Variants in TENM3 observed in about 807,000 individuals in gnomAD.
TENM3 encodes the protein teneurin transmembrane protein 3, also known as teneurin-3.
In TENM3, 63 loss-of-function variants were observed where a neutral mutation model predicts 255.1. That is an observed-to-expected ratio of 0.25 (90% confidence interval 0.20 to 0.30). The LOEUF (loss-of-function observed/expected upper bound fraction) is 0.30, where lower values mean the gene tolerates loss of function less well. TENM3 is among the 10% of genes least tolerant of loss of function. TENM3 has a pLI of 1.00. For missense variants in TENM3, 2,929 were observed against 3,461.1 expected (o/e 0.85, Z 3.86); for synonymous variants, 1,306 against 1,322.3 (o/e 0.99, Z 0.27).
rs1476581297 is a variant in TENM3, at chr4:182,315,061, A to G, written c.-75-8885A>G. Among the ~76,000 whole-genome samples the G allele has an allele frequency of 3.3e-5, 5 of 152,154 alleles. 1 individual carries two copies. The highest frequency in any genetic ancestry group is 3.3e-4 in the Admixed American group (5 of 15,266). On this transcript the variant is annotated intron_variant, in intron 1 of 27. Coordinates refer to ENST00000511685, the MANE Select transcript of TENM3 (RefSeq NM_001080477.4). Reference sequence around the variant, plus strand: ...ATACCTTGTAATAGTGTACTTCTGCATGTCCTCTCCCTTCCTTTATGCTAT... The same window carrying G: ...ATACCTTGTAATAGTGTACTTCTGCGTGTCCTCTCCCTTCCTTTATGCTAT...
chr4:182,451,828 G>A (rs539649829), intron 3 of TENM3, among the ~76,000 whole-genome samples: 1 of 152,230 alleles, frequency 6.6e-6, no homozygotes, highest in South Asian at 2.1e-4. Flanking sequence ...ACTGGGCTTT[G>A]GAACATCAGT....
rs1327663451 is a variant in TENM3, at chr4:182,789,057, A to G, written c.5305-36A>G. On this transcript the variant is annotated intron_variant, in intron 24 of 27. Coordinates refer to ENST00000511685, the MANE Select transcript of TENM3 (RefSeq NM_001080477.4). This position sits in a 1 kb window ranked among gnomAD's most constrained non-coding sequence, Gnocchi z 4.4. ...CTGGGGACTCCGGTGTTGGAATAACATGATTTATTTTATCATCTTGTTGGT... is the reference window on the plus strand; with the variant it reads ...CTGGGGACTCCGGTGTTGGAATAACGTGATTTATTTTATCATCTTGTTGGT... 3.9e-6 allele frequency: 6 copies of G among 1,554,162 alleles called. No individual in the cohort carries two copies. Among genetic ancestry groups the G allele is most frequent in the African/African-American group, 2.7e-5 (2 of 73,544 alleles).
At chr4:182,658,606 A>G (rs561865576) in intron 6 of TENM3, among the ~76,000 whole-genome samples, 3 of 152,356 alleles carry the variant, frequency 2.0e-5, no homozygotes, top group African/African-American at 4.8e-5. Context: ...AACAGAACCC[A>G]TCAACTACTT....
At chr4:181,963,970 A>G in the TENM3 span, among the ~76,000 whole-genome samples, 206 of 152,036 alleles carry the variant, frequency 1.4e-3, no homozygotes, top group Non-Finnish European at 2.0e-3. Context: ...TTTATACTTG[A>G]TGTAAGAAAA....
chr4:182,648,287 T>TA (rs1752930990), intron 5 of TENM3, among the ~76,000 whole-genome samples: 2 of 91,718 alleles, frequency 2.2e-5, no homozygotes, highest in African/African-American at 3.0e-5. Context: ...ACTTTTAAGT[T>TA]GTTTTTTTTT....
chr4:182,325,478 C>A (rs1763331890), intron 2 of TENM3, among the ~76,000 whole-genome samples: 1 of 152,156 alleles, frequency 6.6e-6, no homozygotes, highest in South Asian at 2.1e-4. Context: ...TGAAAAGGGA[C>A]AAAATAGCTT....
chr4:181,518,817 T>C, the TENM3 span, among the ~76,000 whole-genome samples: 2 of 152,124 alleles, frequency 1.3e-5, no homozygotes, highest in Non-Finnish European at 1.5e-5. Context: ...TGTATGTCCA[T>C]GAATGACAGA....
intron 3 of TENM3, among the ~76,000 whole-genome samples, chr4:182,416,013 C>T (rs922161227): frequency 2.6e-5 from 4 of 151,970 alleles, no homozygotes; most frequent in African/African-American, 2.4e-5. Context: ...TTTAACCATA[C>T]TTGTAAAAGT....
the TENM3 span, among the ~76,000 whole-genome samples, chr4:181,500,998 A>G: frequency 6.6e-6 from 1 of 152,102 alleles, no homozygotes; most frequent in African/African-American, 2.4e-5. Flanking sequence ...TGTGGCTTTT[A>G]CCTGGGGGCC....
intron 1 of TENM3, among the ~76,000 whole-genome samples, chr4:182,175,312 A>ATATATAT (rs1228001808): frequency 1.3e-5 from 1 of 79,302 alleles, no homozygotes; most frequent in African/African-American, 4.1e-5. Context: ...TAAAAAAAAA[A>ATATATAT]AAATATATAT....
At chr4:181,954,588 C>CT in the TENM3 span, among the ~76,000 whole-genome samples, 11 of 152,178 alleles carry the variant, frequency 7.2e-5, no homozygotes, top group African/African-American at 1.9e-4. Flanking sequence ...TCCATTCACA[C>CT]TTTTTGTCTT....
intron 4 of TENM3, among the ~76,000 whole-genome samples, chr4:182,605,994 G>T (rs987660263): frequency 1.3e-5 from 2 of 152,166 alleles, no homozygotes; most frequent in Non-Finnish European, 2.9e-5. Flanking sequence ...AGATAAATAA[G>T]AATAAGAAAT....
chr4:182,282,636 T>C (rs1036845680), intron 1 of TENM3, among the ~76,000 whole-genome samples: 1 of 152,140 alleles, frequency 6.6e-6, no homozygotes, highest in Non-Finnish European at 1.5e-5. Flanking sequence ...CTCACACCTG[T>C]AATCCCAGCA....
intron 3 of TENM3, among the ~76,000 whole-genome samples, chr4:182,454,512 CTG>C: frequency 6.6e-6 from 1 of 152,124 alleles, no homozygotes; most frequent in Non-Finnish European, 1.5e-5. Context: ...ACTTTTCAAA[CTG>C]TTTTTAAGCT....
chr4:182,045,778 G>C, the TENM3 span, among the ~76,000 whole-genome samples: 12 of 152,236 alleles, frequency 7.9e-5, no homozygotes, highest in Admixed American at 7.9e-4. Context: ...GCCGGGCACA[G>C]TGGCTCATGC....
chr4:182,007,472 A>G, the TENM3 span, among the ~76,000 whole-genome samples: 6 of 152,240 alleles, frequency 3.9e-5, no homozygotes, highest in East Asian at 1.2e-3. Flanking sequence ...CTTTACCATT[A>G]CATAATGTCT....
At chr4:181,499,235 C>T in the TENM3 span, among the ~76,000 whole-genome samples, 71 of 152,290 alleles carry the variant, frequency 4.7e-4, no homozygotes, top group African/African-American at 1.7e-3. Flanking sequence ...GACTGACAGT[C>T]ATAAGCAAAT....
chr4:182,220,591 A>G (rs186520443), intron 1 of TENM3, among the ~76,000 whole-genome samples: 106 of 152,242 alleles, frequency 7.0e-4, no homozygotes, highest in Admixed American at 1.6e-3. Flanking sequence ...CTGTAGATTG[A>G]TAGGAAACTG....
intron 1 of TENM3, among the ~76,000 whole-genome samples, chr4:182,249,684 C>T (rs911321626): frequency 2.0e-5 from 3 of 152,080 alleles, no homozygotes; most frequent in African/African-American, 7.2e-5. Flanking sequence ...GAGGATGGGT[C>T]TGATAGAGAG....
Sources: allele counts gnomAD v4.1 joint callset (sites outside exome capture counted in the v4.1 genomes callset), GRCh38; gene constraint gnomAD v4.1.1; non-coding constraint Gnocchi (gnomAD v3.1); transcripts MANE v1.5; gene names NCBI Gene and HGNC (gene_info 2026-07-23, HGNC 2026-07-21).